The following SHISA9 variants were observed in gnomAD, a reference collection of about 807,000 sequenced individuals.
SHISA9 encodes the protein protein shisa-9.
Under a neutral mutation model 38.0 loss-of-function variants are expected in SHISA9, and 13 were observed. That is an observed-to-expected ratio of 0.34 (90% CI 0.22 to 0.54). The LOEUF is 0.54. Ranked by LOEUF, SHISA9 falls within the 20% of genes least tolerant of loss-of-function variation. The pLI, the probability that SHISA9 is intolerant of heterozygous loss-of-function variation, is 0.91. For synonymous variants in SHISA9, 275 were observed against 242.0 expected, an observed-to-expected ratio of 1.14 and a Z score of -1.27; for missense variants, 538 against 575.8, an observed-to-expected ratio of 0.93 and a Z score of 0.67.
chr16:13,046,184 C>T (rs2073186760), intron 2 of SHISA9, among the ~76,000 whole-genome samples: 1 of 152,118 alleles, frequency 6.6e-6, no homozygotes, highest in African/African-American at 2.4e-5. Context: ...ATTACACAGC[C>T]TTGTGGCCAA....
intron 2 of SHISA9, among the ~76,000 whole-genome samples, chr16:13,121,617 A>G (rs540563474): frequency 7.2e-5 from 11 of 152,280 alleles, no homozygotes; most frequent in Middle Eastern, 3.4e-3. Context: ...CTAATATACA[A>G]ATAATTATTC....
chr16:13,426,302 C>A, the SHISA9 span, among the ~76,000 whole-genome samples: 1 of 152,064 alleles, frequency 6.6e-6, no homozygotes, highest in African/African-American at 2.4e-5. Context: ...CCATTTTATG[C>A]ACAGAAAACT....
At chr16:12,988,604 A>G (rs1029087476) in intron 2 of SHISA9, among the ~76,000 whole-genome samples, 4 of 152,140 alleles carry the variant, frequency 2.6e-5, no homozygotes, top group Non-Finnish European at 5.9e-5. Context: ...AGCTCACTGC[A>G]ACTTCCGCCT....
the SHISA9 span, among the ~76,000 whole-genome samples, chr16:13,435,275 C>T: frequency 6.6e-6 from 1 of 151,536 alleles, no homozygotes; most frequent in Non-Finnish European, 1.5e-5. Context: ...ATGTCAGGAG[C>T]ACTTAGAACT....
chr16:13,032,383 A>G (rs2073002516), intron 2 of SHISA9, among the ~76,000 whole-genome samples: 1 of 152,140 alleles, frequency 6.6e-6, no homozygotes. Context: ...ATAGTATTCC[A>G]TGGTGTATAT....
chr16:13,361,751 CCTT>C, the SHISA9 span, among the ~76,000 whole-genome samples: 3 of 152,216 alleles, frequency 2.0e-5, no homozygotes, highest in Non-Finnish European at 4.4e-5. Flanking sequence ...TCTCCACTCT[CCTT>C]CTCAGAGATT....
the SHISA9 span, among the ~76,000 whole-genome samples, chr16:13,304,370 C>T: frequency 9.2e-5 from 14 of 152,336 alleles, no homozygotes; most frequent in Admixed American, 2.0e-4. Context: ...GGTGAACCTC[C>T]CACCTCAGCC....
the SHISA9 span, among the ~76,000 whole-genome samples, chr16:13,288,001 A>G: frequency 2.6e-5 from 4 of 152,144 alleles, no homozygotes; most frequent in Admixed American, 2.6e-4. Context: ...GGGAGGTGAC[A>G]GTGAGTTCAC....
chr16:13,513,377 T>C, the SHISA9 span, among the ~76,000 whole-genome samples: 3 of 152,220 alleles, frequency 2.0e-5, no homozygotes, highest in Non-Finnish European at 4.4e-5. Context: ...GGAATGTTTT[T>C]ACACTGTTGG....
chr16:13,246,237 G>C, the SHISA9 span: 11 of 152,204 alleles, frequency 7.2e-5, no homozygotes, highest in Admixed American at 7.2e-4. Flanking sequence ...TCCCCATACT[G>C]TTTTCATGGA....
chr16:13,086,503 T>G (rs1292863588), intron 2 of SHISA9, among the ~76,000 whole-genome samples: 1 of 151,838 alleles, frequency 6.6e-6, no homozygotes, highest in Non-Finnish European at 1.5e-5. Context: ...TAGACCAGGA[T>G]GCAAAAAAAG....
intron 2 of SHISA9, among the ~76,000 whole-genome samples, chr16:12,997,101 C>T (rs931398755): frequency 3.9e-5 from 6 of 152,086 alleles, no homozygotes; most frequent in Non-Finnish European, 8.8e-5. Flanking sequence ...GCATTTTCAT[C>T]ACCCCCCAAA....
At chr16:13,026,672 C>G (rs1567186783) in intron 2 of SHISA9, among the ~76,000 whole-genome samples, 1 of 152,170 alleles carries the variant, frequency 6.6e-6, no homozygotes, top group African/African-American at 2.4e-5. Flanking sequence ...CAGCTGCACC[C>G]TTTTATATTC....
the SHISA9 span, among the ~76,000 whole-genome samples, chr16:13,357,563 A>C: frequency 3.3e-5 from 5 of 152,184 alleles, no homozygotes; most frequent in Admixed American, 3.3e-4. Flanking sequence ...GATCCGAGTC[A>C]CAGCACCAAA....
At chr16:13,398,657 C>T in the SHISA9 span, among the ~76,000 whole-genome samples, 289 of 152,042 alleles carry the variant, frequency 1.9e-3, 4 homozygotes, top group Non-Finnish European at 3.7e-3. Context: ...ATTACAAGCA[C>T]CTGCCACCAC....
chr16:13,558,122 T>G, the SHISA9 span, among the ~76,000 whole-genome samples: 1 of 152,222 alleles, frequency 6.6e-6, no homozygotes, highest in Admixed American at 6.5e-5. Context: ...TTTGCATTTT[T>G]CTACAGCTCT....
the SHISA9 span, among the ~76,000 whole-genome samples, chr16:13,294,778 A>G: frequency 6.6e-6 from 1 of 152,208 alleles, no homozygotes; most frequent in Non-Finnish European, 1.5e-5. Flanking sequence ...AAATACAATG[A>G]GCGAATTGAG....
chr16:13,469,370 AAAG>A, the SHISA9 span, among the ~76,000 whole-genome samples: 23 of 58,312 alleles, frequency 3.9e-4, no homozygotes, highest in East Asian at 7.8e-3. Context: ...AAAGAAAAAG[AAAG>A]AAAGAAAGAA....
the SHISA9 span, among the ~76,000 whole-genome samples, chr16:13,326,129 C>T: frequency 2.0e-5 from 3 of 151,540 alleles, no homozygotes; most frequent in East Asian, 1.9e-4. Context: ...AGAAATGTCC[C>T]GGCTTAAAAT....
Sources: gnomAD v4.1 joint callset for allele counts (sites outside exome capture counted in the v4.1 genomes callset) on GRCh38, gnomAD v4.1.1 for gene constraint, MANE v1.5 for transcripts, NCBI Gene and HGNC (gene_info 2026-07-23, HGNC 2026-07-21) for gene names.